The following ADK variants were observed in gnomAD, a reference collection of about 807,000 sequenced individuals.
ADK encodes the protein adenosine kinase.
ADK carries 24 observed loss-of-function variants against 44.7 expected under a neutral mutation model. The ratio of observed to expected loss-of-function variants is 0.54; its 90% CI spans 0.39 to 0.76. ADK has a LOEUF of 0.76. Among genes scored for constraint, ADK ranks in the 30% least tolerant of loss-of-function variants. The pLI, the probability that ADK is intolerant of heterozygous loss-of-function variation, is 0.00. For synonymous variants in ADK, 128 were observed against 142.6 expected, an observed-to-expected ratio of 0.90 and a Z score of 0.73; for missense variants, 321 against 425.1, an observed-to-expected ratio of 0.76 and a Z score of 2.15.
At chr10:74,693,412 G>A (rs1045492190) in intron 10 of ADK, among the ~76,000 whole-genome samples, 2 of 152,170 alleles carry the variant, frequency 1.3e-5, no homozygotes, top group Non-Finnish European at 2.9e-5. Context: ...ATGATGGTCT[G>A]TGTTTCCCAG....
intron 3 of ADK, among the ~76,000 whole-genome samples, chr10:74,280,416 A>ACACACG (rs1491503255): frequency 1.0e-3 from 18 of 17,406 alleles, no homozygotes; most frequent in Non-Finnish European, 2.2e-3. Context: ...ACAAGTTTAA[A>ACACACG]CACACACACA....
intron 6 of ADK, among the ~76,000 whole-genome samples, chr10:74,508,693 A>G (rs1048553298): frequency 1.3e-5 from 2 of 152,110 alleles, no homozygotes; most frequent in Non-Finnish European, 2.9e-5. Flanking sequence ...AATTATCTTC[A>G]TCTGACTTAG....
At chr10:74,603,298 T>C (rs1359181478) in intron 9 of ADK, among the ~76,000 whole-genome samples, 1 of 152,126 alleles carries the variant, frequency 6.6e-6, no homozygotes, top group Non-Finnish European at 1.5e-5. Context: ...GGGATACATG[T>C]CCAGAATGTG....
intron 6 of ADK, among the ~76,000 whole-genome samples, chr10:74,410,409 C>G (rs1844128537): frequency 1.3e-5 from 2 of 152,186 alleles, no homozygotes; most frequent in East Asian, 1.9e-4. Flanking sequence ...CACAGTGGCT[C>G]AAGCCTGAAA....
chr10:74,207,755 A>G (rs1406488967), intron 2 of ADK, among the ~76,000 whole-genome samples: 1 of 152,150 alleles, frequency 6.6e-6, no homozygotes, highest in African/African-American at 2.4e-5. Context: ...CACTCCCCTC[A>G]GTGGACCCCA....
At chr10:74,702,160 AC>A (rs1279147352) in intron 10 of ADK, among the ~76,000 whole-genome samples, 2 of 151,524 alleles carry the variant, frequency 1.3e-5, no homozygotes, top group Admixed American at 6.6e-5. Flanking sequence ...GGGGGTTGGG[AC>A]TTTTGATAAA....
At position 74,372,189 on chromosome 10, in the gene ADK, G is replaced by T. The variant is rs543463284; in HGVS notation, c.274-21952G>T. On this transcript the variant is annotated intron_variant, in intron 4 of 10. Coordinates refer to ENST00000539909, the MANE Select transcript of ADK (RefSeq NM_006721.4). ...AGCAGAGCAGCCTGCTGCTGAAAAG[G>T]CTGTGACCAAGGAGGAATTTCAGGG... 57 of 757,872 alleles carry T rather than the reference G, an allele frequency of 7.5e-5. 1 individual carries two copies. The highest frequency in any genetic ancestry group is 7.4e-4 in the South Asian group (55 of 74,136). 46.9% of individuals were successfully genotyped at this position (757,872 alleles called of 1,614,324 possible).
At chr10:74,373,164 A>T (rs981741076) in intron 4 of ADK, among the ~76,000 whole-genome samples, 4 of 152,198 alleles carry the variant, frequency 2.6e-5, no homozygotes, top group African/African-American at 9.6e-5. Flanking sequence ...TGCAAAAATT[A>T]ACTCAAAATG....
intron 1 of ADK, among the ~76,000 whole-genome samples, chr10:74,192,321 G>A (rs564655582): frequency 5.9e-5 from 9 of 151,878 alleles, no homozygotes; most frequent in East Asian, 1.9e-4. Context: ...TCCGCCTCCC[G>A]GGTTCAAGTG....
Position 74,589,272 on chromosome 10 carries a change from T to A in ADK, c.727-10T>A, listed in dbSNP as rs775560594. 15 of 1,613,274 alleles carry A rather than the reference T, an allele frequency of 9.3e-6. No homozygotes were observed. The highest frequency in any genetic ancestry group is 1.7e-5 in the Admixed American group (1 of 59,918). ...TTATAATTAACTGTTCTTTTTTTTT[T>A]TTATTTCAGGAAGCTGCCACTTTTG... is the stretch of plus-strand genomic sequence containing the variant. On this transcript the variant is annotated splice_polypyrimidine_tract_variant and intron_variant, in intron 7 of 10. Coordinates refer to ENST00000539909, the MANE Select transcript of ADK (RefSeq NM_006721.4).
chr10:74,296,587 A>G (rs1839823140), intron 3 of ADK, among the ~76,000 whole-genome samples: 1 of 151,754 alleles, frequency 6.6e-6, no homozygotes, highest in Admixed American at 6.6e-5. Flanking sequence ...TACATTATTT[A>G]TCAAAATTTT....
chr10:74,202,014 A>C (rs1033699979), intron 2 of ADK, among the ~76,000 whole-genome samples: 1 of 152,124 alleles, frequency 6.6e-6, no homozygotes, highest in Non-Finnish European at 1.5e-5. Flanking sequence ...AAGTTGTACA[A>C]CCATCACCAC....
intron 4 of ADK, among the ~76,000 whole-genome samples, chr10:74,325,034 T>A (rs1840958642): frequency 6.6e-6 from 1 of 152,236 alleles, no homozygotes; most frequent in Admixed American, 6.5e-5. Flanking sequence ...CTATGAAGAT[T>A]ATCATTGTCA....
intron 2 of ADK, among the ~76,000 whole-genome samples, chr10:74,205,855 C>T (rs1055444318): frequency 2.0e-5 from 3 of 152,060 alleles, no homozygotes; most frequent in South Asian, 2.1e-4. Context: ...GTAACTATGT[C>T]GATAACTTTC....
chr10:74,151,462 C>T, intron 1 of ADK, 119 bp downstream of exon 1: 2 of 1,102,102 alleles, frequency 1.8e-6, no homozygotes, highest in South Asian at 1.4e-5. Context: ...GGGGCCAACA[C>T]GCAGGACCTC....
At chr10:74,411,050 G>A (rs1844158345) in intron 6 of ADK, among the ~76,000 whole-genome samples, 2 of 152,006 alleles carry the variant, frequency 1.3e-5, no homozygotes, top group African/African-American at 4.8e-5. Context: ...TGGTCAAATC[G>A]ATGATCACCA....
In ADK at chr10:74,249,638, A is replaced by G. The variant is rs367726244; in HGVS notation, c.194+25047A>G. ...TAAAATGAGCCAATTTGAAGCAATA[A>G]ATACTGATTGATAGATTATCACCTT... On this transcript the variant is annotated intron_variant, in intron 3 of 10. Coordinates refer to ENST00000539909, the MANE Select transcript of ADK (RefSeq NM_006721.4). Among the ~76,000 whole-genome samples the G allele has an allele frequency of 1.1e-4, 16 of 152,280 alleles. 1 individual carries two copies. In the East Asian group the frequency reaches 2.1e-3, roughly 20 times the overall value.
chr10:74,295,739 C>T (rs11000967), intron 3 of ADK, among the ~76,000 whole-genome samples: 1 of 144,602 alleles, frequency 6.9e-6, no homozygotes, highest in African/African-American at 2.5e-5. Flanking sequence ...CTGGAGTTTT[C>T]TTTGTAGGAA....
At chr10:74,245,285 T>A (rs1845375042) in intron 3 of ADK, among the ~76,000 whole-genome samples, 3 of 152,144 alleles carry the variant, frequency 2.0e-5, no homozygotes, top group African/African-American at 7.2e-5. Flanking sequence ...GAATGAATAT[T>A]TTACTAATTA....
Sources: gnomAD v4.1 joint callset for allele counts (sites outside exome capture counted in the v4.1 genomes callset) on GRCh38, gnomAD v4.1.1 for gene constraint, MANE v1.5 for transcripts, NCBI Gene and HGNC (gene_info 2026-07-23, HGNC 2026-07-21) for gene names.